Variants in MYRFL observed in about 807,000 individuals in gnomAD.
The protein encoded by MYRFL is myelin regulatory factor-like protein.
Under a neutral mutation model 109.4 loss-of-function variants are expected in MYRFL, and 88 were observed. The observed-to-expected ratio is 0.80, with a 90% confidence interval of 0.68 to 0.96. The LOEUF (loss-of-function observed/expected upper bound fraction) is 0.96. MYRFL is among the 40% of genes least tolerant of loss of function. MYRFL has a pLI of 0.00. For missense variants in MYRFL, 957 were observed against 954.9 expected (o/e 1.00, Z -0.03); for synonymous variants, 324 against 320.9 (o/e 1.01, Z -0.10).
chr12:69,901,465 T>TTTGAG (rs1330274880), intron 10 of MYRFL, among the ~76,000 whole-genome samples: 1 of 152,210 alleles, frequency 6.6e-6, no homozygotes. Flanking sequence ...ATTTTAGGGA[T>TTTGAG]TTGAGTTTTC....
chr12:69,899,241 T>TTGA (rs55981120), intron 10 of MYRFL, among the ~76,000 whole-genome samples: 48,034 of 151,968 alleles, frequency 0.32, 7,855 homozygotes, highest in African/African-American at 0.36. Context: ...AAATATCTTA[T>TTGA]TATTATTTCA....
intron 1 of MYRFL, among the ~76,000 whole-genome samples, chr12:69,830,313 CTG>C (rs1192534201): frequency 6.6e-6 from 1 of 150,898 alleles, no homozygotes; most frequent in Non-Finnish European, 1.5e-5. Context: ...GATAATGTAT[CTG>C]TATGGATATA....
intron 13 of MYRFL, among the ~76,000 whole-genome samples, chr12:69,923,064 A>G (rs1687811705): frequency 6.6e-6 from 1 of 152,224 alleles, no homozygotes; most frequent in African/African-American, 2.4e-5. Context: ...TAAATAATAA[A>G]CTATTTTTAA....
chr12:69,868,797 G>C (rs960766634), intron 2 of MYRFL, among the ~76,000 whole-genome samples: 1 of 152,236 alleles, frequency 6.6e-6, no homozygotes, highest in African/African-American at 2.4e-5. Flanking sequence ...GCCTGTCACA[G>C]TCTCCCCATT....
chr12:69,889,265 GCATATTTTCATCATGCATGGGAAAAATT>G (rs1237139962), intron 6 of MYRFL, among the ~76,000 whole-genome samples: 1 of 151,658 alleles, frequency 6.6e-6, no homozygotes. Flanking sequence ...AAATCCTGCC[GCATATTTTCATCATGCATGGGAAAAATT>G]CATCAAAGAA....
chr12:69,953,888 A>C (rs1956041581), intron 21 of MYRFL, among the ~76,000 whole-genome samples: 1 of 152,140 alleles, frequency 6.6e-6, no homozygotes, highest in Admixed American at 6.6e-5. Context: ...AACTAGTGTC[A>C]CAAATCCTGT....
chr12:69,904,125 G>A, intron 11 of MYRFL: 1 of 330,620 alleles, frequency 3.0e-6, no homozygotes, highest in East Asian at 5.0e-5. Context: ...TTTTCCACAG[G>A]CCATTGCCCT....
intron 1 of MYRFL, among the ~76,000 whole-genome samples, chr12:69,853,174 G>GC (rs1319152668): frequency 2.6e-5 from 4 of 151,726 alleles, no homozygotes; most frequent in Non-Finnish European, 5.9e-5. Context: ...AGGCAGAGGC[G>GC]CCCCCCATCT....
At chr12:69,877,269 C>T (rs1885747203) in intron 2 of MYRFL, among the ~76,000 whole-genome samples, 1 of 151,906 alleles carries the variant, frequency 6.6e-6, no homozygotes, top group South Asian at 2.1e-4. Flanking sequence ...GTGATCCGCC[C>T]GCCTCCGCCT....
intron 5 of MYRFL, among the ~76,000 whole-genome samples, chr12:69,881,286 A>G (rs529166795): frequency 6.6e-6 from 1 of 152,234 alleles, no homozygotes; most frequent in South Asian, 2.1e-4. Flanking sequence ...CAGTTCTATT[A>G]GCAACTGTAA....
intron 14 of MYRFL, among the ~76,000 whole-genome samples, chr12:69,927,482 A>C (rs570955689): frequency 2.0e-5 from 3 of 152,284 alleles, no homozygotes; most frequent in Middle Eastern, 3.4e-3. Flanking sequence ...AAAAAGAGAA[A>C]TACAATGTTT....
At chr12:69,936,938 G>A (rs1215144119) in intron 19 of MYRFL, among the ~76,000 whole-genome samples, 3 of 152,108 alleles carry the variant, frequency 2.0e-5, no homozygotes, top group Admixed American at 6.6e-5. Flanking sequence ...GCACGTGGGT[G>A]GATTTTTTGG....
Position 69,910,035 on chromosome 12 carries a change from G to C in MYRFL, c.1450G>C (p.Glu484Gln). ...AATTGTTGAATATGACTACAAACCT[G>C]AATTTGCATCTGCAATGGGAATAAA... The part of the protein sequence containing the change: ...MRIVEYDYKP[E>Q]FASAMGINTA... The change falls in exon 12 of 25, where the codon GAA (glutamate) becomes CAA (glutamine). Residue 484 changes from glutamate to glutamine, a missense_variant. Transcript: ENST00000552032. The C allele has an allele frequency of 6.5e-7, 1 of 1,534,620 alleles. No homozygotes were observed. The highest frequency in any genetic ancestry group is 8.7e-7 in the Non-Finnish European group (1 of 1,146,424).
At chr12:69,883,900 C>T in intron 5 of MYRFL, among the ~76,000 whole-genome samples, 1 of 151,776 alleles carries the variant, frequency 6.6e-6, no homozygotes, top group Non-Finnish European at 1.5e-5. Flanking sequence ...AGAGGCCAGC[C>T]CAGCATACAA....
chr12:69,825,303 A>G lies in MYRFL; in HGVS notation c.-215A>G, dbSNP rs746987966. On this transcript the variant is annotated 5_prime_UTR_variant, in exon 1 of 25. It removes an upstream start codon present in the reference 5' UTR. Coordinates refer to ENST00000552032, the MANE Select transcript of MYRFL (RefSeq NM_182530.3). ...CTCTTCATGAATTTTTTTTAAATGT[A>G]TGGTTGTATATCCTTCCAGTTTTAT... 4.4e-6 allele frequency: 3 copies of G among 687,248 alleles called. No individual in the cohort carries two copies. The highest frequency in any genetic ancestry group is 1.5e-5 in the South Asian group (1 of 64,854). 42.6% of individuals were successfully genotyped at this position (687,248 alleles called of 1,614,324 possible).
At chr12:69,885,817 C>G (rs78047318) in intron 5 of MYRFL, among the ~76,000 whole-genome samples, 2 of 152,140 alleles carry the variant, frequency 1.3e-5, no homozygotes, top group African/African-American at 4.8e-5. Context: ...AAGATTTTCT[C>G]TGTTACTTTA....
intron 2 of MYRFL, among the ~76,000 whole-genome samples, chr12:69,864,879 C>A (rs1195953437): frequency 6.6e-6 from 1 of 152,150 alleles, no homozygotes; most frequent in African/African-American, 2.4e-5. Flanking sequence ...AAGCAACCTG[C>A]CAAAAGTTGT....
chr12:69,887,838 T>C (rs1434071126), intron 6 of MYRFL, among the ~76,000 whole-genome samples: 2 of 152,182 alleles, frequency 1.3e-5, no homozygotes, highest in East Asian at 3.9e-4. Context: ...TCATTGCTCA[T>C]TGTATCATTG....
chr12:69,936,429 T>TC, intron 18 of MYRFL, 24 bp from the exon 19 acceptor site: 7 of 1,529,512 alleles, frequency 4.6e-6, no homozygotes, highest in Non-Finnish European at 4.4e-6. Flanking sequence ...TTGCTTCCCC[T>TC]CCCCCCTGCC....
Sources: gnomAD v4.1 joint callset for allele counts (sites outside exome capture counted in the v4.1 genomes callset) on GRCh38, gnomAD v4.1.1 for gene constraint, MANE v1.5 for transcripts, NCBI Gene and HGNC (gene_info 2026-07-23, HGNC 2026-07-21) for gene names.